The following DENND1C variants were observed in gnomAD, a reference collection of about 807,000 sequenced individuals.
DENND1C encodes DENN domain-containing protein 1C.
DENND1C carries 64 observed loss-of-function variants against 87.9 expected under a neutral mutation model. The ratio of observed to expected loss-of-function variants is 0.73; its 90% CI spans 0.60 to 0.90. DENND1C has a LOEUF of 0.90. DENND1C is among the 40% of genes least tolerant of loss of function. The pLI, the probability that DENND1C is intolerant of heterozygous loss-of-function variation, is 0.00. For synonymous variants in DENND1C, 384 were observed against 424.4 expected (o/e 0.90, Z 1.17); for missense variants, 980 against 1,037.0 (o/e 0.95, Z 0.76).
At chr19:6,474,448 A>G (rs1228846795) in intron 14 of DENND1C, among the ~76,000 whole-genome samples, 2 of 152,142 alleles carry the variant, frequency 1.3e-5, no homozygotes, top group African/African-American at 2.4e-5. Context: ...GGCTTCAGAG[A>G]TCAAGGCCCC....
At chr19:6,481,642 T>A in intron 1 of DENND1C, 37 bp downstream of exon 1, 1 of 1,612,220 alleles carries the variant, frequency 6.2e-7, no homozygotes, top group South Asian at 1.1e-5. Context: ...GGCCCGGGAA[T>A]CTTGTACCAG....
intron 14 of DENND1C, among the ~76,000 whole-genome samples, chr19:6,473,709 A>G (rs1175341038): frequency 6.7e-6 from 1 of 149,378 alleles, no homozygotes; most frequent in Admixed American, 6.8e-5. Context: ...GGCTCAAGCA[A>G]TCCACACACC....
Position 6,467,581 on chromosome 19 carries a change from G to A in DENND1C, c.2329C>T (p.Pro777Ser). The A allele has an allele frequency of 6.2e-7, 1 of 1,602,904 alleles. No homozygotes were observed. ...EPGALNSPAT[P>S]TSNCQKSQPS... ...TGGGACTTTTGACAGTTGCTGGTGGGTGTAGCAGGGGAATTCAGGGCTCCT... is the reference window on the plus strand; with the variant it reads ...TGGGACTTTTGACAGTTGCTGGTGGATGTAGCAGGGGAATTCAGGGCTCCT... The change falls in exon 23 of 23, where the codon CCC (proline) becomes TCC (serine). Residue 777 changes from proline (P) to serine (S), a missense_variant. Pro to Ser is a moderately conservative substitution (Grantham distance 74). Coordinates refer to ENST00000381480, the MANE Select transcript of DENND1C (RefSeq NM_024898.4).
Position 6,475,413 on chromosome 19 carries a change from G to C in DENND1C, c.928-14C>G, listed in dbSNP as rs779546638. ...CAGCAGGGACACCTGAAGCACAAGG[G>C]AGTGGCCCTGAGTGGGCAGGTGTGG... On this transcript the variant is annotated splice_polypyrimidine_tract_variant and intron_variant, in intron 13 of 22. Coordinates refer to ENST00000381480, the MANE Select transcript of DENND1C (RefSeq NM_024898.4). The C allele has an allele frequency of 3.1e-6, 5 of 1,612,108 alleles. No homozygotes were observed. Among genetic ancestry groups the C allele is most frequent in the Non-Finnish European group, 4.2e-6 (5 of 1,178,774 alleles).
rs1431907141 is a variant in DENND1C at position 6,467,296 on chromosome 19, G to A, written c.*208C>T. On this transcript the variant is annotated 3_prime_UTR_variant, in exon 23 of 23. Transcript: ENST00000381480. The stretch of plus-strand genomic sequence containing the variant: ...GACAAATGCCGAGAGGAATTGTAAG[G>A]TTGCCAGGATTCTAGAAGACCAGGA... 1 of 616,068 alleles carries A rather than the reference G, an allele frequency of 1.6e-6. No individual in the cohort carries two copies. The highest frequency in any genetic ancestry group is 1.9e-5 in the African/African-American group (1 of 52,358). 38.2% of individuals were successfully genotyped at this position (616,068 alleles called of 1,614,324 possible). A position where few individuals can be genotyped will look rare whatever the true frequency, so the allele number is the denominator to read the frequency against.
chr19:6,473,212 T>C lies in DENND1C; in HGVS notation c.1054-219A>G, dbSNP rs182533093. Among the ~76,000 whole-genome samples the C allele has an allele frequency of 3.1e-3, 469 of 152,322 alleles. 6 individuals are homozygous for C. Among genetic ancestry groups the C allele is most frequent in the Admixed American group, 0.028 (432 of 15,300 alleles). On this transcript the variant is annotated intron_variant, in intron 14 of 22. Transcript: ENST00000381480. ...GCTCTGTCGCCAGGCTGGAATGCAG[T>C]GGCGTGATCTCAGCTCACTGCAACC...
chr19:6,471,952 C>G (rs1178821624), intron 15 of DENND1C, among the ~76,000 whole-genome samples: 2 of 152,208 alleles, frequency 1.3e-5, no homozygotes, highest in Non-Finnish European at 2.9e-5. Context: ...CCGGAGCCCA[C>G]TTTAGAAACC....
In DENND1C at chr19:6,468,262, C is replaced by G. The variant is rs761837815; in HGVS notation, c.1763G>C (p.Arg588Thr). 1.9e-6 allele frequency: 3 copies of G among 1,613,484 alleles called. No homozygotes were observed. Among genetic ancestry groups the G allele is most frequent in the Admixed American group, 3.3e-5 (2 of 59,946 alleles). Reference sequence around the variant, plus strand: ...GCTGAAGCAGCTGTCCAGGTCTCCTCTGTGACAGCAGTCTAAACTCTGGCT... The same window carrying G: ...GCTGAAGCAGCTGTCCAGGTCTCCTGTGTGACAGCAGTCTAAACTCTGGCT... ...RPSQSLDCCH[R>T]GDLDSCFSLP... Residue 588 changes from arginine to threonine, a missense_variant, in exon 22 of 23, where the codon AGA becomes ACA. Arg to Thr is a moderately conservative substitution (Grantham distance 71). Transcript: ENST00000381480.
At position 6,479,914 on chromosome 19, in the gene DENND1C, A is replaced by G; in HGVS notation, c.83-12T>C. The G allele has an allele frequency of 6.3e-7, 1 of 1,599,890 alleles. No homozygotes were observed. Among genetic ancestry groups the G allele is most frequent in the Non-Finnish European group, 8.5e-7 (1 of 1,173,628 alleles). On this transcript the variant is annotated splice_polypyrimidine_tract_variant and intron_variant, in intron 2 of 22. Transcript: ENST00000381480. ...CAGGATGGGGGGATCTGTAGAAGAGAGCACGCCTCTAAGTTCAGCGACCCA... is the reference window on the plus strand; with the variant it reads ...CAGGATGGGGGGATCTGTAGAAGAGGGCACGCCTCTAAGTTCAGCGACCCA...
chr19:6,476,767 G>A, intron 10 of DENND1C, 90 bp downstream of exon 10: 2 of 1,321,016 alleles, frequency 1.5e-6, no homozygotes, highest in African/African-American at 3.0e-5. Flanking sequence ...TCGCGCAGTA[G>A]GGTTAGAGCC....
At chr19:6,479,204 C>T (rs1599391902) in intron 4 of DENND1C, 148 bp from the exon 5 acceptor site, 1 of 1,156,726 alleles carries the variant, frequency 8.6e-7, no homozygotes, top group South Asian at 1.6e-5. Context: ...TCTCAGAATC[C>T]CTGGGTCCCT....
At chr19:6,469,404 T>C in intron 19 of DENND1C, 192 bp downstream of exon 19, 6 of 605,372 alleles carry the variant, frequency 9.9e-6, no homozygotes, top group Non-Finnish European at 1.8e-5. Flanking sequence ...CTCAGCTTAC[T>C]GCAACCTCCG....
chr19:6,472,790 AC>A, intron 15 of DENND1C, 98 bp downstream of exon 15: 1 of 995,662 alleles, frequency 1.0e-6, no homozygotes, highest in Non-Finnish European at 1.4e-6. Flanking sequence ...ACCCTCAGGG[AC>A]CCAGGAGTCT....
At position 6,475,858 on chromosome 19, in the gene DENND1C, G is replaced by T. The variant is rs756464712; in HGVS notation, c.758C>A (p.Pro253Gln). The change falls in exon 11 of 23, where the codon CCA becomes CAA. Residue 253 changes from proline (P) to glutamine (Q), a missense_variant. Pro to Gln is a moderately conservative substitution (Grantham distance 76). Transcript: ENST00000381480. ...WEHVLIPTLP[P>Q]HLLDYCCAPM... ...TCACCAGCAGTAGTCCAGCAGGTGTGGGGGCAGCGTGGGGATCAGCACGTG... is the reference window on the plus strand; with the variant it reads ...TCACCAGCAGTAGTCCAGCAGGTGTTGGGGCAGCGTGGGGATCAGCACGTG... The T allele has an allele frequency of 6.5e-7, 1 of 1,549,430 alleles. No individual in the cohort carries two copies. The highest frequency in any genetic ancestry group is 8.7e-7 in the Non-Finnish European group (1 of 1,151,870).
rs1474107913 is a variant in DENND1C, at chr19:6,469,589, A to G, written c.1407+7T>C. On this transcript the variant is annotated splice_region_variant and intron_variant, in intron 19 of 22. Transcript: ENST00000381480. ...GTGAGCCACTGCACCCGGCCAGTTG[A>G]TCTTACCTTATACATTAGAAGGCTC... 3.1e-6 allele frequency: 5 copies of G among 1,603,294 alleles called. No individual in the cohort carries two copies. The African/African-American group carries it at 5.4e-5, about 17-fold the overall frequency.
chr19:6,476,714 C>G (rs1599387266), intron 10 of DENND1C, 143 bp downstream of exon 10: 1 of 841,092 alleles, frequency 1.2e-6, no homozygotes, highest in East Asian at 2.7e-5. Flanking sequence ...TTCAACTCTC[C>G]AAGACCTTCG....
chr19:6,480,425 C>A (rs1913474002), intron 1 of DENND1C: 1 of 1,102,428 alleles, frequency 9.1e-7, no homozygotes, highest in Non-Finnish European at 1.1e-6. Context: ...AAGGACAGCC[C>A]GTGCAGTCCC....
chr19:6,467,686 T>A lies in DENND1C; in HGVS notation c.2224A>T (p.Ser742Cys), dbSNP rs2092803214. ...SQPLDPSSDP[S>C]SLEDPRARPP... ...CGGGCTCTGGGGTCCTCCAGAGAACTGGGGTCTGAGGAAGGATCAAGGGGC... is the reference window on the plus strand; with the variant it reads ...CGGGCTCTGGGGTCCTCCAGAGAACAGGGGTCTGAGGAAGGATCAAGGGGC... The change falls in exon 23 of 23, where the codon AGT becomes TGT. Residue 742 changes from serine (S) to cysteine (C), a missense_variant. By Grantham distance (112) the Ser-to-Cys change is moderately radical (BLOSUM62 -1). Coordinates refer to ENST00000381480, the MANE Select transcript of DENND1C (RefSeq NM_024898.4). 2 of 1,521,076 alleles carry A rather than the reference T, an allele frequency of 1.3e-6. No homozygotes were observed. Among genetic ancestry groups the A allele is most frequent in the South Asian group, 2.7e-5 (2 of 75,434 alleles). 94.2% of individuals were successfully genotyped at this position (1,521,076 alleles called of 1,614,324 possible).
Position 6,468,018 on chromosome 19 carries a change from G to T in DENND1C, c.1892C>A (p.Ala631Asp). 1 of 1,613,928 alleles carries T rather than the reference G, an allele frequency of 6.2e-7. No individual in the cohort carries two copies. The highest frequency in any genetic ancestry group is 1.7e-5 in the Admixed American group (1 of 60,010). Residue 631 changes from alanine (A) to aspartate (D), a missense_variant, in exon 23 of 23, where the codon GCC becomes GAC. Physicochemically the swap from Ala to Asp is moderately radical, Grantham distance 126. Transcript: ENST00000381480. ...CCTGGAGTCCTTTGAAGAGCTGGTG[G>T]CATCCAAAGACGAGGCATTTTGCAG... ...PSLQNASSLD[A>D]TSSSKDSRSQ...
Sources: gnomAD v4.1 joint callset for allele counts (sites outside exome capture counted in the v4.1 genomes callset) on GRCh38, gnomAD v4.1.1 for gene constraint, MANE v1.5 for transcripts, NCBI Gene and HGNC (gene_info 2026-07-23, HGNC 2026-07-21) for gene names.